Variants in PLCL1 observed in about 807,000 individuals in gnomAD.
PLCL1 encodes phospholipase C like 1 (inactive).
In PLCL1, 41 loss-of-function variants were observed where a neutral mutation model predicts 84.4. The observed-to-expected ratio is 0.49, with a 90% CI of 0.38 to 0.63. PLCL1 has a LOEUF of 0.63. PLCL1 is among the 30% of genes least tolerant of loss of function. The pLI is 0.00. For synonymous variants in PLCL1, 490 were observed against 488.3 expected (o/e 1.00, Z -0.05); for missense variants, 1,206 against 1,367.8 (o/e 0.88, Z 1.87).
At chr2:198,040,668 A>G (rs922233473) in intron 1 of PLCL1, among the ~76,000 whole-genome samples, 1 of 152,188 alleles carries the variant, frequency 6.6e-6, no homozygotes, top group African/African-American at 2.4e-5. Flanking sequence ...TGAGGAACAC[A>G]CTACAAAGCT....
At position 197,950,127 on chromosome 2, in the gene PLCL1, T is replaced by A. The variant is rs77662322; in HGVS notation, c.241-133631T>A. Reference sequence around the variant, plus strand: ...AATTTCTCTTGACAAAATTTAGGGTTCTCTCTCTGTTAAAGTGATTTGGCT... The same window carrying A: ...AATTTCTCTTGACAAAATTTAGGGTACTCTCTCTGTTAAAGTGATTTGGCT... On this transcript the variant is annotated intron_variant, in intron 1 of 5. Transcript: ENST00000428675. Among the ~76,000 whole-genome samples, 119 of 152,270 alleles carry A rather than the reference T, an allele frequency of 7.8e-4. 2 individuals are homozygous for A. The East Asian group carries it at 0.021, about 27-fold the overall frequency.
At chr2:198,108,008 G>C (rs1693530444) in intron 5 of PLCL1, among the ~76,000 whole-genome samples, 1 of 151,870 alleles carries the variant, frequency 6.6e-6, no homozygotes, top group Non-Finnish European at 1.5e-5. Context: ...CCTGGGCTCT[G>C]TTGGAGACTT....
At position 198,146,762 on chromosome 2, in the gene PLCL1, G is replaced by T; in HGVS notation, c.3106-18G>T. The T allele has an allele frequency of 6.2e-7, 1 of 1,602,394 alleles. No homozygotes were observed. Among genetic ancestry groups the T allele is most frequent in the East Asian group, 2.2e-5 (1 of 44,620 alleles). On this transcript the variant is annotated intron_variant, in intron 5 of 5. Coordinates refer to ENST00000428675, the MANE Select transcript of PLCL1 (RefSeq NM_006226.4). ...CCCATAACTGTCTTCTTTGATGCCT[G>T]TTTTTTTCTGTTTGTAGGGCCAAGG...
chr2:198,066,468 CAAAT>C (rs56334230), intron 1 of PLCL1, among the ~76,000 whole-genome samples: 4,963 of 152,240 alleles, frequency 0.033, 143 homozygotes, highest in Admixed American at 0.087. Flanking sequence ...AGTAGCTCCT[CAAAT>C]AAATCCACTT....
intron 1 of PLCL1, among the ~76,000 whole-genome samples, chr2:198,005,208 G>A (rs1036548067): frequency 6.6e-6 from 1 of 152,108 alleles, no homozygotes; most frequent in Non-Finnish European, 1.5e-5. Context: ...AAGATTTTCC[G>A]AGTGCTAAGT....
In PLCL1 at chr2:198,046,665, C is replaced by T. The variant is rs1245757764; in HGVS notation, c.241-37093C>T. Among the ~76,000 whole-genome samples, 4 of 151,948 alleles carry T rather than the reference C, an allele frequency of 2.6e-5. No individual in the cohort carries two copies. The East Asian group carries it at 7.7e-4, about 29-fold the overall frequency. ...CCAGCCTGGGCAACGTGGTAAAATC[C>T]TGTCTCTACAAAAAGTACAAAAAAT... On this transcript the variant is annotated intron_variant, in intron 1 of 5. Coordinates refer to ENST00000428675, the MANE Select transcript of PLCL1 (RefSeq NM_006226.4).
chr2:197,928,323 ATGT>A (rs1286002694), intron 1 of PLCL1, among the ~76,000 whole-genome samples: 1 of 152,126 alleles, frequency 6.6e-6, no homozygotes, highest in Non-Finnish European at 1.5e-5. Flanking sequence ...AAGCAAGCAA[ATGT>A]TGCTTATTTT....
At chr2:197,884,429 T>C (rs567427574) in intron 1 of PLCL1, among the ~76,000 whole-genome samples, 1 of 152,316 alleles carries the variant, frequency 6.6e-6, no homozygotes, top group African/African-American at 2.4e-5. Context: ...TTGGCTAGAA[T>C]TTAGCAATAT....
chr2:198,007,932 G>A (rs1186366742), intron 1 of PLCL1, among the ~76,000 whole-genome samples: 2 of 152,086 alleles, frequency 1.3e-5, no homozygotes, highest in African/African-American at 2.4e-5. Context: ...TACATTCATT[G>A]AAAGCGAGTA....
At chr2:198,075,837 A>T (rs919071883) in intron 1 of PLCL1, among the ~76,000 whole-genome samples, 2 of 152,312 alleles carry the variant, frequency 1.3e-5, no homozygotes, top group African/African-American at 4.8e-5. Flanking sequence ...TTTATTCCGG[A>T]CAACATTAGT....
intron 1 of PLCL1, among the ~76,000 whole-genome samples, chr2:197,838,243 G>T (rs1691229478): frequency 6.6e-6 from 1 of 152,192 alleles, no homozygotes; most frequent in Non-Finnish European, 1.5e-5. Flanking sequence ...TATGTCAAGA[G>T]GTCGAGTGTT....
At chr2:198,024,137 C>A (rs1416597923) in intron 1 of PLCL1, among the ~76,000 whole-genome samples, 2 of 152,044 alleles carry the variant, frequency 1.3e-5, no homozygotes, top group African/African-American at 4.8e-5. Context: ...TCTCAGCAAA[C>A]TAACAGAGGA....
intron 1 of PLCL1, among the ~76,000 whole-genome samples, chr2:197,863,051 C>A (rs182895470): frequency 5.3e-5 from 8 of 151,828 alleles, no homozygotes; most frequent in African/African-American, 1.9e-4. Context: ...AAATTAGAGA[C>A]GGTTGTTAGA....
chr2:197,823,376 T>C (rs532411357), intron 1 of PLCL1, among the ~76,000 whole-genome samples: 1 of 151,962 alleles, frequency 6.6e-6, no homozygotes, highest in African/African-American at 2.4e-5. Context: ...ATATATGTGG[T>C]TGGTGGTTTT....
At chr2:197,880,747 G>A (rs1030489415) in intron 1 of PLCL1, among the ~76,000 whole-genome samples, 11 of 152,138 alleles carry the variant, frequency 7.2e-5, no homozygotes, top group Non-Finnish European at 8.8e-5. Flanking sequence ...TCTTTATAAA[G>A]CTCCATTATG....
intron 1 of PLCL1, among the ~76,000 whole-genome samples, chr2:198,052,525 GA>G (rs568994388): frequency 0.016 from 2,129 of 136,248 alleles, 37 homozygotes; most frequent in South Asian, 0.045. Context: ...TATAGAGGTT[GA>G]AAAAAAAAAA....
At chr2:198,106,008 G>C (rs1306935811) in intron 5 of PLCL1, among the ~76,000 whole-genome samples, 4 of 151,744 alleles carry the variant, frequency 2.6e-5, no homozygotes, top group Admixed American at 2.0e-4. Context: ...ATTAATAATT[G>C]CTGACATTTA....
chr2:198,080,590 C>T (rs2105893419), intron 1 of PLCL1, among the ~76,000 whole-genome samples: 1 of 152,362 alleles, frequency 6.6e-6, no homozygotes, highest in South Asian at 2.1e-4. Flanking sequence ...TGATTGCTCT[C>T]TGAATCCAGA....
intron 1 of PLCL1, among the ~76,000 whole-genome samples, chr2:197,848,049 T>G (rs1006220120): frequency 1.2e-4 from 18 of 152,200 alleles, no homozygotes; most frequent in African/African-American, 2.9e-4. Flanking sequence ...ATAAAACTAT[T>G]TAGAACCCAT....
Sources: gnomAD v4.1 joint callset for allele counts (sites outside exome capture counted in the v4.1 genomes callset) on GRCh38, gnomAD v4.1.1 for gene constraint, MANE v1.5 for transcripts, NCBI Gene and HGNC (gene_info 2026-07-23, HGNC 2026-07-21) for gene names.